RBFOX1: variants seen among roughly 807,000 people sequenced by gnomAD.
RBFOX1 encodes RNA binding protein fox-1 homolog 1.
Under a neutral mutation model 57.7 loss-of-function variants are expected in RBFOX1, and 8 were observed. The observed-to-expected ratio is 0.14, with a 90% CI of 0.08 to 0.25. The LOEUF is 0.25. Ranked by LOEUF, RBFOX1 falls within the 10% of genes least tolerant of loss-of-function variation. The pLI is 1.00. For missense variants in RBFOX1, 611 were observed against 548.5 expected (o/e 1.11, Z -1.14); for synonymous variants, 326 against 222.4 (o/e 1.47, Z -4.15).
chr16:7,672,111 C>G (rs962081937), intron 13 of RBFOX1, among the ~76,000 whole-genome samples: 4 of 152,192 alleles, frequency 2.6e-5, no homozygotes, highest in Admixed American at 1.3e-4. Context: ...ATAACCCTCC[C>G]TGGTCTTAGT....
chr16:7,564,540 CAAAAAAAAAA>C (rs5815409), intron 5 of RBFOX1, among the ~76,000 whole-genome samples: 2,934 of 82,398 alleles, frequency 0.036, 57 homozygotes, highest in Middle Eastern at 0.075. Context: ...GACTCCATCT[CAAAAAAAAAA>C]AAAAAAAAAA....
At chr16:6,534,664 C>A (rs528618551) in intron 2 of RBFOX1, among the ~76,000 whole-genome samples, 4 of 152,218 alleles carry the variant, frequency 2.6e-5, no homozygotes, top group African/African-American at 4.8e-5. Flanking sequence ...ATAAAAAAAT[C>A]TTGGTTATAA....
intron 14 of RBFOX1, among the ~76,000 whole-genome samples, chr16:7,697,755 C>T (rs2079248867): frequency 6.6e-6 from 1 of 152,134 alleles, no homozygotes; most frequent in African/African-American, 2.4e-5. Context: ...GGAACTTTGG[C>T]CTTCTCACTC....
Position 7,466,415 on chromosome 16 carries a change from C to T in RBFOX1, c.28-51732C>T, listed in dbSNP as rs559704208. Among the ~76,000 whole-genome samples, 9 of 152,116 alleles carry T rather than the reference C, an allele frequency of 5.9e-5. No homozygotes were observed. The South Asian group carries it at 1.0e-3, about 18-fold the overall frequency. ...ATACCACTTCCCAGTGAGGCAGGTA[C>T]TCATGTTTCCATTTTAAGGATAAGA... On this transcript the variant is annotated intron_variant, in intron 4 of 15. Transcript: ENST00000550418.
intron 1 of RBFOX1, among the ~76,000 whole-genome samples, chr16:6,136,241 T>A (rs2096666449): frequency 1.3e-5 from 2 of 152,148 alleles, no homozygotes; most frequent in African/African-American, 4.8e-5. Context: ...CAGTCCAAGG[T>A]GTATGTCCTG....
chr16:5,528,604 C>T (rs1043770595), intron 2 of RBFOX1, among the ~76,000 whole-genome samples: 2 of 135,218 alleles, frequency 1.5e-5, no homozygotes, highest in African/African-American at 5.6e-5. Flanking sequence ...CATTCTCTCT[C>T]TCTCTTTATC....
intron 4 of RBFOX1, among the ~76,000 whole-genome samples, chr16:7,335,311 C>G (rs1603623960): frequency 6.6e-6 from 1 of 152,256 alleles, no homozygotes; most frequent in Admixed American, 6.5e-5. Context: ...AAGGTTCTAT[C>G]ACCACCTAAA....
At chr16:7,014,839 A>T (rs1016433004) in intron 3 of RBFOX1, among the ~76,000 whole-genome samples, 4 of 152,152 alleles carry the variant, frequency 2.6e-5, no homozygotes, top group Admixed American at 6.5e-5. Flanking sequence ...CTTCTCCTGC[A>T]TTAGCCTCCT....
chr16:7,205,020 C>G (rs1331551145), intron 4 of RBFOX1, among the ~76,000 whole-genome samples: 1 of 152,234 alleles, frequency 6.6e-6, no homozygotes, highest in Middle Eastern at 3.4e-3. Context: ...CCATGTGTAA[C>G]AAGGGGAGGT....
intron 3 of RBFOX1, among the ~76,000 whole-genome samples, chr16:6,768,271 T>G (rs1483912711): frequency 6.6e-6 from 1 of 152,164 alleles, no homozygotes; most frequent in African/African-American, 2.4e-5. Context: ...TTTTCCTGTT[T>G]TTGCTTTTTT....
At chr16:6,780,211 A>G (rs186468017) in intron 3 of RBFOX1, among the ~76,000 whole-genome samples, 1 of 45,382 alleles carries the variant, frequency 2.2e-5, no homozygotes, top group Non-Finnish European at 3.1e-5. Flanking sequence ...TTATATATTT[A>G]TATATATTTA....
At chr16:7,313,506 C>G (rs1460106721) in intron 4 of RBFOX1, among the ~76,000 whole-genome samples, 1 of 136,782 alleles carries the variant, frequency 7.3e-6, no homozygotes, top group Non-Finnish European at 1.5e-5. Flanking sequence ...TGGTTCCGTT[C>G]AAAAAATGAG....
intron 1 of RBFOX1, among the ~76,000 whole-genome samples, chr16:5,441,398 AGTGTCACCTAGGCTAGAGT>A (rs1446528110): frequency 7.1e-6 from 1 of 140,258 alleles, no homozygotes; most frequent in Non-Finnish European, 1.5e-5. Flanking sequence ...AGAGTCTCGC[AGTGTCACCTAGGCTAGAGT>A]GCAGTGGCCT....
chr16:6,089,244 A>G (rs905317269), intron 1 of RBFOX1, among the ~76,000 whole-genome samples: 3 of 152,158 alleles, frequency 2.0e-5, no homozygotes, highest in African/African-American at 4.8e-5. Flanking sequence ...TTAACTGAGT[A>G]GCAGGATATT....
chr16:7,589,144 G>A (rs1201992223), intron 7 of RBFOX1, among the ~76,000 whole-genome samples: 1 of 152,196 alleles, frequency 6.6e-6, no homozygotes. Flanking sequence ...CGAGCCTTCT[G>A]TATTCTTGGC....
At chr16:6,075,692 T>C (rs1466530363) in intron 1 of RBFOX1, among the ~76,000 whole-genome samples, 3 of 152,234 alleles carry the variant, frequency 2.0e-5, no homozygotes, top group African/African-American at 7.2e-5. Flanking sequence ...GATAATCTGT[T>C]GCTATTTCAA....
chr16:5,605,208 G>C (rs900990183), intron 3 of RBFOX1, among the ~76,000 whole-genome samples: 5 of 152,154 alleles, frequency 3.3e-5, no homozygotes, highest in African/African-American at 1.2e-4. Flanking sequence ...GGGGCAGATT[G>C]GACTGGATTT....
chr16:5,961,287 C>G (rs913203592), intron 4 of RBFOX1, among the ~76,000 whole-genome samples: 1 of 152,072 alleles, frequency 6.6e-6, no homozygotes, highest in African/African-American at 2.4e-5. Context: ...TCTTAAGAAT[C>G]CATTAGGTAA....
At chr16:7,063,547 T>G (rs943394739) in intron 4 of RBFOX1, among the ~76,000 whole-genome samples, 2 of 152,186 alleles carry the variant, frequency 1.3e-5, no homozygotes, top group African/African-American at 4.8e-5. Context: ...TTAAGCCATT[T>G]CTCAAGTGGG....
Sources: gnomAD v4.1 joint callset for allele counts (sites outside exome capture counted in the v4.1 genomes callset) on GRCh38, gnomAD v4.1.1 for gene constraint, MANE v1.5 for transcripts, NCBI Gene and HGNC (gene_info 2026-07-23, HGNC 2026-07-21) for gene names.